The following SORCS2 variants were observed in gnomAD, a reference collection of about 807,000 sequenced individuals.
SORCS2 encodes sortilin related VPS10 domain containing receptor 2.
SORCS2 carries 100 observed loss-of-function variants against 141.6 expected under a neutral mutation model. The observed-to-expected ratio is 0.71, with a 90% CI of 0.60 to 0.83. SORCS2 has a LOEUF of 0.83. SORCS2 is among the 40% of genes least tolerant of loss of function. The pLI is 0.00. For missense variants in SORCS2, 1,646 were observed against 1,560.2 expected (o/e 1.05, Z -0.93); for synonymous variants, 789 against 676.9 (o/e 1.17, Z -2.57).
chr4:7,236,728 C>T (rs148458746), intron 1 of SORCS2, among the ~76,000 whole-genome samples: 3,908 of 152,190 alleles, frequency 0.026, 151 homozygotes, highest in African/African-American at 0.083. Flanking sequence ...ACTACAGGCA[C>T]GTGCCACCAT....
intron 1 of SORCS2, among the ~76,000 whole-genome samples, chr4:7,350,053 A>C (rs190832199): frequency 6.6e-6 from 1 of 152,352 alleles, no homozygotes; most frequent in East Asian, 1.9e-4. Context: ...GCCATGAACG[A>C]AAAGTAGTGT....
chr4:7,412,679 C>G lies in SORCS2; in HGVS notation c.548+16324C>G, dbSNP rs6821851. Among the ~76,000 whole-genome samples, 118 of 152,214 alleles carry G rather than the reference C, an allele frequency of 7.8e-4. 1 individual carries two copies. The highest frequency in any genetic ancestry group is 2.7e-3 in the African/African-American group (114 of 41,552). ...TCCAGAGTTCTCCCATCAGCCCCTC[C>G]CCACCCCTGGGGCGGGGGCCCTCCC... On this transcript the variant is annotated intron_variant, in intron 2 of 26. Coordinates refer to ENST00000507866, the MANE Select transcript of SORCS2 (RefSeq NM_020777.3).
chr4:7,279,599 G>A (rs966881298), intron 1 of SORCS2, among the ~76,000 whole-genome samples: 2 of 152,180 alleles, frequency 1.3e-5, no homozygotes, highest in South Asian at 2.1e-4. Context: ...GTTCAAGGGC[G>A]ATCTTCCCTG....
chr4:7,311,006 C>T (rs960078113), intron 1 of SORCS2, among the ~76,000 whole-genome samples: 1 of 152,206 alleles, frequency 6.6e-6, no homozygotes, highest in African/African-American at 2.4e-5. Flanking sequence ...GTTTATTTCT[C>T]TTGAAACTTT....
chr4:7,456,476 GA>G (rs1337042773), intron 2 of SORCS2, among the ~76,000 whole-genome samples: 2 of 149,836 alleles, frequency 1.3e-5, no homozygotes, highest in African/African-American at 2.5e-5. Flanking sequence ...CCTGAAGGGT[GA>G]GAGGGGGGGG....
At chr4:7,359,929 C>T (rs978394379) in intron 1 of SORCS2, among the ~76,000 whole-genome samples, 1 of 152,146 alleles carries the variant, frequency 6.6e-6, no homozygotes, top group Non-Finnish European at 1.5e-5. Flanking sequence ...TGCTGCTGCT[C>T]TTCACGGGGA....
rs1727482578 is a variant in SORCS2 at position 7,201,546 on chromosome 4, G to C, written c.480+8420G>C. 6.6e-6 allele frequency among the ~76,000 whole-genome samples: 1 copy of C among 152,276 alleles called. No individual in the cohort carries two copies. The highest frequency in any genetic ancestry group is 2.4e-5 in the African/African-American group (1 of 41,544). On this transcript the variant is annotated intron_variant, in intron 1 of 26. Transcript: ENST00000507866. The surrounding 1 kb of genome is among the most constrained non-coding windows in gnomAD (Gnocchi z 4.4). ...ATTTTTCAGAGTCAGGCTAAGACTT[G>C]TGCAGATGATTCGATGGAGAGCAGA...
chr4:7,281,309 C>T (rs1715862633), intron 1 of SORCS2, among the ~76,000 whole-genome samples: 3 of 152,108 alleles, frequency 2.0e-5, no homozygotes, highest in South Asian at 4.2e-4. Flanking sequence ...CTCCGCTTGT[C>T]GGTGATGGTG....
At chr4:7,593,555 G>T (rs778819292) in intron 3 of SORCS2, among the ~76,000 whole-genome samples, 1 of 152,128 alleles carries the variant, frequency 6.6e-6, no homozygotes, top group South Asian at 2.1e-4. Context: ...GTTCCAGGCA[G>T]TGGCTCTTCC....
At chr4:7,647,835 C>T (rs1345252020) in intron 4 of SORCS2, among the ~76,000 whole-genome samples, 1 of 152,236 alleles carries the variant, frequency 6.6e-6, no homozygotes, top group Non-Finnish European at 1.5e-5. Context: ...CCTCAGGGAA[C>T]CTGCCATGGG....
chr4:7,454,825 G>T (rs1261653082), intron 2 of SORCS2, among the ~76,000 whole-genome samples: 1 of 141,408 alleles, frequency 7.1e-6, no homozygotes, highest in Non-Finnish European at 1.5e-5. Context: ...CTGTGTTGGG[G>T]TCTGGTGCTG....
intron 11 of SORCS2, among the ~76,000 whole-genome samples, chr4:7,692,311 C>A (rs1724308519): frequency 6.6e-6 from 1 of 152,184 alleles, no homozygotes; most frequent in Admixed American, 6.5e-5. Context: ...CCTGCCCACC[C>A]CGCCGTTCAT....
At chr4:7,311,256 A>G (rs963531034) in intron 1 of SORCS2, among the ~76,000 whole-genome samples, 13 of 152,186 alleles carry the variant, frequency 8.5e-5, no homozygotes, top group African/African-American at 2.4e-4. Context: ...CAGTCAATCA[A>G]TTGTTCGTTC....
intron 3 of SORCS2, among the ~76,000 whole-genome samples, chr4:7,578,641 T>G (rs956925714): frequency 6.6e-6 from 1 of 152,218 alleles, no homozygotes; most frequent in African/African-American, 2.4e-5. Context: ...AGAATGAGTG[T>G]TGAGTGCCTG....
At chr4:7,563,605 G>A (rs1714755558) in intron 3 of SORCS2, among the ~76,000 whole-genome samples, 1 of 152,124 alleles carries the variant, frequency 6.6e-6, no homozygotes, top group South Asian at 2.1e-4. Context: ...CCCTTTCTGG[G>A]AGCACGTTCC....
intron 1 of SORCS2, among the ~76,000 whole-genome samples, chr4:7,223,317 A>T (rs62289708): frequency 0.25 from 36,493 of 146,924 alleles, 4,484 homozygotes; most frequent in East Asian, 0.31. Flanking sequence ...ACACACACAC[A>T]CTCACACACA....
rs564577817 is a variant in SORCS2, at chr4:7,452,350, C to T, written c.548+55995C>T. Among the ~76,000 whole-genome samples, 11 of 152,306 alleles carry T rather than the reference C, an allele frequency of 7.2e-5. No homozygotes were observed. The East Asian group carries it at 1.7e-3, about 24-fold the overall frequency. Reference sequence around the variant, plus strand: ...AGAGACAGAGTTTCACCACATTGGCCAGGCTGGTCTCTAACTCCTGACCTC... The same window carrying T: ...AGAGACAGAGTTTCACCACATTGGCTAGGCTGGTCTCTAACTCCTGACCTC... On this transcript the variant is annotated intron_variant, in intron 2 of 26. Coordinates refer to ENST00000507866, the MANE Select transcript of SORCS2 (RefSeq NM_020777.3).
intron 1 of SORCS2, among the ~76,000 whole-genome samples, chr4:7,365,569 C>T (rs756893042): frequency 4.6e-5 from 7 of 152,078 alleles, no homozygotes; most frequent in East Asian, 1.9e-4. Context: ...TCAGACAGCA[C>T]GCTGATGTGT....
chr4:7,268,044 G>A (rs911844630), intron 1 of SORCS2, among the ~76,000 whole-genome samples: 1 of 152,204 alleles, frequency 6.6e-6, no homozygotes, highest in Non-Finnish European at 1.5e-5. Context: ...GGGTTTGTGG[G>A]TGGGGTTCTG....
Sources: gnomAD v4.1 joint callset for allele counts (sites outside exome capture counted in the v4.1 genomes callset) on GRCh38, gnomAD v4.1.1 for gene constraint, Gnocchi (gnomAD v3.1) non-coding constraint, MANE v1.5 for transcripts, NCBI Gene and HGNC (gene_info 2026-07-23, HGNC 2026-07-21) for gene names.